The following PITRM1 variants were observed in gnomAD, a reference collection of about 807,000 sequenced individuals.
PITRM1 encodes pitrilysin metallopeptidase 1, also known as presequence protease, mitochondrial.
PITRM1 carries 100 observed loss-of-function variants against 129.9 expected under a neutral mutation model. The observed-to-expected ratio is 0.77, with a 90% CI of 0.65 to 0.91. The LOEUF (loss-of-function observed/expected upper bound fraction) is 0.91, where lower values mean the gene tolerates loss of function less well. PITRM1 is among the 40% of genes least tolerant of loss of function. The pLI is 0.00. For synonymous variants in PITRM1, 591 were observed against 508.8 expected (o/e 1.16, Z -2.17); for missense variants, 1,471 against 1,318.3 (o/e 1.12, Z -1.79).
In PITRM1 at chr10:3,171,790, C is replaced by T. The variant is rs566384344; in HGVS notation, c.56+927G>A. ...ATGAGATGGCTCACACCTGTAACCC[C>T]GCAATGCGAGAGGCTGAGGAGGGGG... On this transcript the variant is annotated intron_variant, in intron 1 of 26. Coordinates refer to ENST00000224949, the MANE Select transcript of PITRM1 (RefSeq NM_014889.4). Among the ~76,000 whole-genome samples the T allele has an allele frequency of 7.4e-4, 113 of 152,216 alleles. 1 individual carries two copies. The highest frequency in any genetic ancestry group is 1.4e-3 in the Non-Finnish European group (98 of 68,014).
At position 3,158,058 on chromosome 10, in the gene PITRM1, G is replaced by C. The variant is rs745432011; in HGVS notation, c.1232C>G (p.Thr411Arg). 2 of 1,603,414 alleles carry C rather than the reference G, an allele frequency of 1.2e-6. No individual in the cohort carries two copies. Among genetic ancestry groups the C allele is most frequent in the Non-Finnish European group, 1.7e-6 (2 of 1,170,280 alleles). ...IETVRSLIDR[T>R]IDEVVEKGFE... ...CACTCACTCAACTACTTCATCAATC[G>C]TTCTGTCTATGAGGCTTCTGACGGT... is the stretch of plus-strand genomic sequence containing the variant. Residue 411 changes from threonine (T) to arginine (R), a missense_variant, in exon 11 of 27, where the codon ACG (threonine) becomes AGG (arginine). Thr to Arg is a moderately conservative substitution (Grantham distance 71). Transcript: ENST00000224949.
chr10:3,154,211 C>T (rs772510141), intron 14 of PITRM1, among the ~76,000 whole-genome samples: 5 of 152,220 alleles, frequency 3.3e-5, no homozygotes, highest in African/African-American at 4.8e-5. Flanking sequence ...ATCATTGTTG[C>T]GCTCCTTCAC....
At chr10:3,144,089 C>A (rs112340463) in intron 22 of PITRM1, 3 of 594,878 alleles carry the variant, frequency 5.0e-6, no homozygotes, top group African/African-American at 1.9e-5. Flanking sequence ...GAGGACACAC[C>A]CCCACCAGGG....
At chr10:3,146,621 T>C (rs1262949584) in intron 20 of PITRM1, 1 of 152,648 alleles carries the variant, frequency 6.6e-6, no homozygotes, top group Non-Finnish European at 1.5e-5. Flanking sequence ...CAGGACTCTG[T>C]GTGAAGAAGG....
In PITRM1 at chr10:3,138,122, T is replaced by G; in HGVS notation, c.3023A>C (p.Tyr1008Ser). Residue 1008 changes from tyrosine (Y) to serine (S), a missense_variant and splice_region_variant, in exon 27 of 27, where the codon TAC becomes TCC. Coordinates refer to ENST00000224949, the MANE Select transcript of PITRM1 (RefSeq NM_014889.4). Reference sequence around the variant, plus strand: ...GTGTGTGCTCTTCCCAGTGCCGAGGTATCTGAGAGGAAGGCAGGCGTGGTC... The same window carrying G: ...GTGTGTGCTCTTCCCAGTGCCGAGGGATCTGAGAGGAAGGCAGGCGTGGTC... ...HDKLLAVSDR[Y>S]LGTGKSTHGL... 6.2e-7 allele frequency: 1 copy of G among 1,607,498 alleles called. No individual in the cohort carries two copies. Among genetic ancestry groups the G allele is most frequent in the Non-Finnish European group, 8.5e-7 (1 of 1,175,992 alleles).
chr10:3,162,632 C>T (rs545967168), intron 7 of PITRM1, among the ~76,000 whole-genome samples: 1 of 152,346 alleles, frequency 6.6e-6, no homozygotes, highest in Admixed American at 6.5e-5. Context: ...CTATGGAGAG[C>T]TCCCCATGAG....
chr10:3,151,053 G>T, intron 15 of PITRM1, 194 bp downstream of exon 15: 1 of 557,098 alleles, frequency 1.8e-6, no homozygotes, highest in Non-Finnish European at 3.3e-6. Flanking sequence ...CTCTTACTGA[G>T]TGAAGGAGTC....
intron 14 of PITRM1, among the ~76,000 whole-genome samples, chr10:3,154,756 T>C (rs1841826716): frequency 6.6e-6 from 1 of 152,198 alleles, no homozygotes; most frequent in African/African-American, 2.4e-5. Flanking sequence ...GCAAATGTTT[T>C]TTCCCAGAGG....
At chr10:3,157,741 G>A (rs1375889225) in intron 11 of PITRM1, among the ~76,000 whole-genome samples, 3 of 152,208 alleles carry the variant, frequency 2.0e-5, no homozygotes, top group Non-Finnish European at 4.4e-5. Flanking sequence ...GGAGGCTGAG[G>A]TGGAAGGATC....
Position 3,160,230 on chromosome 10 carries a change from G to T in PITRM1, c.892C>A (p.Pro298Thr). 6.2e-7 allele frequency: 1 copy of T among 1,613,882 alleles called. No individual in the cohort carries two copies. The highest frequency in any genetic ancestry group is 8.5e-7 in the Non-Finnish European group (1 of 1,179,800). Residue 298 changes from proline to threonine, a missense_variant, in exon 8 of 27, where the codon CCA (proline) becomes ACA (threonine). Transcript: ENST00000224949. ...GGCTTGTCCCAGGGTGTCTGAGCTG[G>T]CACCACGGTGCTTGGTTCAATTTTC... ...FQKIEPSTVV[P>T]AQTPWDKPRE...
At position 3,158,983 on chromosome 10, in the gene PITRM1, C is replaced by A. The variant is rs1270383691; in HGVS notation, c.1067G>T (p.Gly356Val). 1 of 1,612,894 alleles carries A rather than the reference C, an allele frequency of 6.2e-7. No individual in the cohort carries two copies. Among genetic ancestry groups the A allele is most frequent in the Non-Finnish European group, 8.5e-7 (1 of 1,179,476 alleles). Residue 356 changes from glycine (G) to valine (V), a missense_variant, in exon 10 of 27, where the codon GGG (glycine) becomes GTG (valine). Coordinates refer to ENST00000224949, the MANE Select transcript of PITRM1 (RefSeq NM_014889.4). The stretch of plus-strand genomic sequence containing the variant: ...GGCTTTGTAAAAGGGAGAATTGGGC[C>A]CAGAAGTCAAGAGTGAAGACAGAAG... ...LSLLSSLLTS[G>V]PNSPFYKALI...
In PITRM1 at chr10:3,165,464, G is replaced by A. The variant is rs750724036; in HGVS notation, c.482C>T (p.Ser161Leu). Residue 161 changes from serine to leucine, a missense_variant, in exon 5 of 27, where the codon TCG becomes TTG. Ser to Leu is a moderately radical substitution (Grantham distance 145). Transcript: ENST00000224949. ...QNPKDFQNLL[S>L]VYLDATFFPC... is the part of the protein sequence containing the mutation. ...GAAAAAGGTGGCATCCAAATACACC[G>A]AGAGGAGATTCTGAAAGTCCTTGGG... The A allele has an allele frequency of 2.5e-6, 4 of 1,613,566 alleles. No individual in the cohort carries two copies. Among genetic ancestry groups the A allele is most frequent in the East Asian group, 2.2e-5 (1 of 44,884 alleles).
chr10:3,151,327 T>A lies in PITRM1; in HGVS notation c.1658A>T (p.Asp553Val), dbSNP rs1175794769. Residue 553 changes from aspartate (D) to valine (V), a missense_variant, in exon 15 of 27, where the codon GAT becomes GTT. Coordinates refer to ENST00000224949, the MANE Select transcript of PITRM1 (RefSeq NM_014889.4). ...ELRSQQSKPQ[D>V]ASCLPALKVS... The stretch of plus-strand genomic sequence containing the variant: ...TTTCAACGCTGGCAGACAAGAGGCA[T>A]CTTGAGGTTTGCTTTGTTGACTCCG... 2 of 1,611,006 alleles carry A rather than the reference T, an allele frequency of 1.2e-6. No individual in the cohort carries two copies. The highest frequency in any genetic ancestry group is 2.7e-5 in the African/African-American group (2 of 75,000).
rs531119117 is a variant in PITRM1 at position 3,144,576 on chromosome 10, G to GA, written c.2458-211dup. Among the ~76,000 whole-genome samples, 62 of 152,354 alleles carry GA rather than the reference G, an allele frequency of 4.1e-4. 1 individual carries two copies. In the South Asian group the frequency reaches 7.2e-3, roughly 18 times the overall value. ...GCCAGCACTTTGGAGGCTGAGGTGGGAGGATTGCTTGGGTCCAGGAGTCTG... is the reference window on the plus strand; with the variant it reads ...GCCAGCACTTTGGAGGCTGAGGTGGGAAGGATTGCTTGGGTCCAGGAGTCTG... On this transcript the variant is annotated intron_variant, in intron 21 of 26. Transcript: ENST00000224949.
At chr10:3,153,551 G>C (rs906166597) in intron 14 of PITRM1, among the ~76,000 whole-genome samples, 7 of 151,948 alleles carry the variant, frequency 4.6e-5, no homozygotes, top group African/African-American at 1.7e-4. Flanking sequence ...TCCGGGAGGG[G>C]GAGCTTGCAG....
chr10:3,160,847 G>A (rs1396550238), intron 7 of PITRM1, among the ~76,000 whole-genome samples: 8 of 151,802 alleles, frequency 5.3e-5, no homozygotes, highest in African/African-American at 1.9e-4. Context: ...TGCAACCTCC[G>A]ACTCCCAGGT....
intron 23 of PITRM1, chr10:3,141,838 G>A (rs1188274607): frequency 1.1e-5 from 3 of 281,578 alleles, no homozygotes; most frequent in East Asian, 1.0e-4. Context: ...ACCATCTCGT[G>A]TGGGTCCTCC....
intron 1 of PITRM1, among the ~76,000 whole-genome samples, chr10:3,172,488 C>T (rs1173973495): frequency 6.6e-6 from 1 of 152,190 alleles, no homozygotes. Context: ...GCAGGCCCGG[C>T]CCCCAGCCCG....
chr10:3,148,399 C>T (rs946517585), intron 16 of PITRM1, 108 bp from the exon 17 acceptor site: 11 of 1,398,794 alleles, frequency 7.9e-6, no homozygotes, highest in East Asian at 6.9e-5. Context: ...TCAATAACTG[C>T]GGCTTTGCCA....
Sources: gnomAD v4.1 joint callset for allele counts (sites outside exome capture counted in the v4.1 genomes callset) on GRCh38, gnomAD v4.1.1 for gene constraint, MANE v1.5 for transcripts, NCBI Gene and HGNC (gene_info 2026-07-23, HGNC 2026-07-21) for gene names.